Variants in SUPT5H observed in about 807,000 individuals in gnomAD.
SUPT5H encodes SPT5 homolog, DSIF elongation factor subunit.
Under a neutral mutation model 142.5 loss-of-function variants are expected in SUPT5H, and 24 were observed. That is an observed-to-expected ratio of 0.17 (90% CI 0.12 to 0.24). SUPT5H has a LOEUF of 0.24. Ranked by LOEUF, SUPT5H falls within the 10% of genes least tolerant of loss-of-function variation. The pLI is 1.00. For missense variants in SUPT5H, 893 were observed against 1,471.8 expected (o/e 0.61, Z 6.43); for synonymous variants, 546 against 553.0 (o/e 0.99, Z 0.18).
rs745483100 is a variant in SUPT5H, at chr19:39,474,269, C to A, written c.2687C>A (p.Pro896His). 1.2e-6 allele frequency: 2 copies of A among 1,613,960 alleles called. No homozygotes were observed. Among genetic ancestry groups the A allele is most frequent in the South Asian group, 1.1e-5 (1 of 91,082 alleles). The change falls in exon 27 of 30, where the codon CCC (proline) becomes CAC (histidine). Residue 896 changes from proline to histidine, a missense_variant. Around this residue, in one of 6 missense-constraint regions of SUPT5H, gnomAD observed 336 missense variants for 546.5 expected, o/e 0.61. Transcript: ENST00000432763. This position sits in a 1 kb window ranked among gnomAD's most constrained non-coding sequence, Gnocchi z 6.5. ...NTDQFSPYAA[P>H]SPQGSYQPSP... is the part of the protein sequence containing the mutation. ...GACCAGTTCTCTCCCTATGCTGCCCCCTCCCCACAAGGTTCCTACCAGCCC... is the reference window on the plus strand; with the variant it reads ...GACCAGTTCTCTCCCTATGCTGCCCACTCCCCACAAGGTTCCTACCAGCCC...
chr19:39,472,711 C>T lies in SUPT5H; in HGVS notation c.2036-99C>T. 6.7e-7 allele frequency: 1 copy of T among 1,499,708 alleles called. No individual in the cohort carries two copies. Among genetic ancestry groups the T allele is most frequent in the Non-Finnish European group, 8.9e-7 (1 of 1,120,298 alleles). 92.9% of individuals were successfully genotyped at this position (1,499,708 alleles called of 1,614,324 possible). On this transcript the variant is annotated intron_variant, in intron 21 of 29. Coordinates refer to ENST00000432763, the MANE Select transcript of SUPT5H (RefSeq NM_001111020.3). The surrounding 1 kb of genome is among the most constrained non-coding windows in gnomAD (Gnocchi z 4.2). ...GGGTGGGCAGAGGAGGCTCTTAACCCAAGTAGGGAGGAGTCAAGCAAGTGA... is the reference window on the plus strand; with the variant it reads ...GGGTGGGCAGAGGAGGCTCTTAACCTAAGTAGGGAGGAGTCAAGCAAGTGA...
At chr19:39,459,382 G>A (rs1023187579) in intron 8 of SUPT5H, 133 bp downstream of exon 8, 4 of 1,348,118 alleles carry the variant, frequency 3.0e-6, no homozygotes, top group Middle Eastern at 2.1e-4. Flanking sequence ...GCAGGGGTAG[G>A]GAGGGCAAGG....
At chr19:39,476,003 G>A in intron 28 of SUPT5H, 78 bp from the exon 29 acceptor site, 1 of 1,355,344 alleles carries the variant, frequency 7.4e-7, no homozygotes, top group Non-Finnish European at 1.0e-6. Context: ...TGAGCCCTGA[G>A]CCTGTGTCCC....
intron 2 of SUPT5H, among the ~76,000 whole-genome samples, chr19:39,448,834 G>A (rs1286872733): frequency 2.6e-5 from 4 of 151,968 alleles, no homozygotes; most frequent in East Asian, 3.9e-4. Flanking sequence ...GGTGGCTCAC[G>A]CCTGTGATCC....
chr19:39,467,164 C>T (rs1046594113), intron 13 of SUPT5H: 4 of 154,736 alleles, frequency 2.6e-5, no homozygotes, highest in African/African-American at 7.2e-5. Context: ...GGGCGGATCA[C>T]TTGAGGTCAG....
At chr19:39,459,832 CTT>C (rs1233996111) in intron 9 of SUPT5H, 58 bp from the exon 10 acceptor site, 3 of 1,578,084 alleles carry the variant, frequency 1.9e-6, no homozygotes, top group Non-Finnish European at 2.6e-6. Flanking sequence ...CTCCTTCCCC[CTT>C]TCCTGTGTCC....
chr19:39,449,528 C>T (rs1054040496), intron 2 of SUPT5H, among the ~76,000 whole-genome samples: 14 of 152,088 alleles, frequency 9.2e-5, no homozygotes, highest in Non-Finnish European at 1.9e-4. Context: ...TTGGGAGGCT[C>T]ACAGTGGTCA....
intron 3 of SUPT5H, among the ~76,000 whole-genome samples, chr19:39,454,751 C>T (rs1224139609): frequency 6.6e-6 from 1 of 152,140 alleles, no homozygotes; most frequent in Non-Finnish European, 1.5e-5. Context: ...TTTTCCCTTA[C>T]CTATGGGAAG....
rs373614580 is a variant in SUPT5H at position 39,470,308 on chromosome 19, G to A, written c.1530+34G>A. 6 of 1,545,434 alleles carry A rather than the reference G, an allele frequency of 3.9e-6. No homozygotes were observed. Among genetic ancestry groups the A allele is most frequent in the Admixed American group, 1.8e-5 (1 of 54,420 alleles). ...ATAGAAGGGTCGGGGAAGGGTGCAC[G>A]TGCCAAGAGGAGACCCAGGTAGGCG... is the stretch of plus-strand genomic sequence containing the variant. On this transcript the variant is annotated intron_variant, in intron 17 of 29. Transcript: ENST00000432763. This position sits in a 1 kb window ranked among gnomAD's most constrained non-coding sequence, Gnocchi z 5.8.
chr19:39,469,715 T>G lies in SUPT5H; in HGVS notation c.1374+317T>G. The G allele has an allele frequency of 3.9e-6, 2 of 507,882 alleles. No homozygotes were observed. Among genetic ancestry groups the G allele is most frequent in the Non-Finnish European group, 7.2e-6 (2 of 278,184 alleles). 31.5% of individuals were successfully genotyped at this position (507,882 alleles called of 1,614,324 possible). A position where few individuals can be genotyped will look rare whatever the true frequency, so the allele number is the denominator to read the frequency against. On this transcript the variant is annotated intron_variant, in intron 16 of 29. Transcript: ENST00000432763. This position sits in a 1 kb window ranked among gnomAD's most constrained non-coding sequence, Gnocchi z 5.1. ...TAATCTGAGGCTTGACTTTGTTTGC[T>G]TAGAGCGGGGTGTGTGTTTGTCTGT...
In SUPT5H at chr19:39,469,114, G is replaced by A; in HGVS notation, c.1179G>A (p.Leu393=). Reference sequence around the variant, plus strand: ...GTGTGAAGCCAACACTCTCTGAGCTGGAAAAGTTTGAGGACCAGCCAGAGG... The same window carrying A: ...GTGTGAAGCCAACACTCTCTGAGCTAGAAAAGTTTGAGGACCAGCCAGAGG... The part of the protein sequence containing the change: ...TEGVKPTLSE[L]EKFEDQPEGI... Residue 393 remains leucine (L), a synonymous_variant, in exon 15 of 30, where the codon CTG becomes CTA. Coordinates refer to ENST00000432763, the MANE Select transcript of SUPT5H (RefSeq NM_001111020.3). This position sits in a 1 kb window ranked among gnomAD's most constrained non-coding sequence, Gnocchi z 5.1. The A allele has an allele frequency of 6.2e-7, 1 of 1,614,216 alleles. No homozygotes were observed. Among genetic ancestry groups the A allele is most frequent in the Non-Finnish European group, 8.5e-7 (1 of 1,180,038 alleles).
Position 39,458,372 on chromosome 19 carries a change from G to A in SUPT5H, c.319+67G>A. On this transcript the variant is annotated intron_variant, in intron 5 of 29. Transcript: ENST00000432763. The surrounding 1 kb of genome is among the most constrained non-coding windows in gnomAD (Gnocchi z 4.2). ...ATCCTGACATTTCCTCCTTCCTGAG[G>A]CACCTGCCCTCACCGGTAGCCTCCC... 1 of 1,604,200 alleles carries A rather than the reference G, an allele frequency of 6.2e-7. No homozygotes were observed. The highest frequency in any genetic ancestry group is 8.5e-7 in the Non-Finnish European group (1 of 1,174,876).
At chr19:39,445,697 G>C in intron 1 of SUPT5H, 60 bp downstream of exon 1, 1 of 645,108 alleles carries the variant, frequency 1.6e-6, no homozygotes, top group Non-Finnish European at 2.7e-6. Flanking sequence ...GAACAGATTC[G>C]GAAACTGGGG....
chr19:39,473,001 T>C lies in SUPT5H; in HGVS notation c.2156-11T>C, dbSNP rs2079344728. On this transcript the variant is annotated splice_polypyrimidine_tract_variant and intron_variant, in intron 22 of 29. Coordinates refer to ENST00000432763, the MANE Select transcript of SUPT5H (RefSeq NM_001111020.3). This position sits in a 1 kb window ranked among gnomAD's most constrained non-coding sequence, Gnocchi z 5.8. ...AGAGCCTGCCCAGCCTGACCTCCTG[T>C]CCCCCTGCAGGCTACATCGGTGTGG... is the stretch of plus-strand genomic sequence containing the variant. The C allele has an allele frequency of 1.2e-6, 2 of 1,612,800 alleles. No homozygotes were observed. Among genetic ancestry groups the C allele is most frequent in the Non-Finnish European group, 8.5e-7 (1 of 1,179,236 alleles).
intron 3 of SUPT5H, among the ~76,000 whole-genome samples, chr19:39,456,900 GA>G (rs2079098156): frequency 6.6e-6 from 1 of 152,210 alleles, no homozygotes; most frequent in Non-Finnish European, 1.5e-5. Context: ...CTCTAGGCAA[GA>G]AACTAGTCAC....
At position 39,476,427 on chromosome 19, in the gene SUPT5H, G is replaced by A; in HGVS notation, c.*28G>A. 1 of 1,612,646 alleles carries A rather than the reference G, an allele frequency of 6.2e-7. No individual in the cohort carries two copies. Among genetic ancestry groups the A allele is most frequent in the Non-Finnish European group, 8.5e-7 (1 of 1,179,772 alleles). On this transcript the variant is annotated 3_prime_UTR_variant, in exon 30 of 30. Coordinates refer to ENST00000432763, the MANE Select transcript of SUPT5H (RefSeq NM_001111020.3). Reference sequence around the variant, plus strand: ...CAGGCAGGGCCGGTGGACTTCGTCGGATGAAGAGTGATCCTCCTTCCTTCC... The same window carrying A: ...CAGGCAGGGCCGGTGGACTTCGTCGAATGAAGAGTGATCCTCCTTCCTTCC...
Position 39,476,500 on chromosome 19 carries a change from T to G in SUPT5H, c.*101T>G. The stretch of plus-strand genomic sequence containing the variant: ...GATCCTCCTGCAGGGCTAGGCGGAT[T>G]GTTCTGGATTTCCTTTTGTTTTTCC... On this transcript the variant is annotated 3_prime_UTR_variant, in exon 30 of 30. Transcript: ENST00000432763. The G allele has an allele frequency of 7.0e-7, 1 of 1,429,002 alleles. No homozygotes were observed. 88.5% of individuals were successfully genotyped at this position (1,429,002 alleles called of 1,614,324 possible).
chr19:39,463,384 T>C (rs2079191838), intron 10 of SUPT5H, among the ~76,000 whole-genome samples: 1 of 152,228 alleles, frequency 6.6e-6, no homozygotes, highest in South Asian at 2.1e-4. Context: ...TTTTGGTATC[T>C]AGGAGTGTGT....
chr19:39,465,200 A>G, intron 11 of SUPT5H, 151 bp downstream of exon 11: 1 of 1,220,506 alleles, frequency 8.2e-7, no homozygotes, highest in Non-Finnish European at 1.1e-6. Flanking sequence ...AGCACACAGG[A>G]AACGGTTGGC....
Sources: allele counts gnomAD v4.1 joint callset (sites outside exome capture counted in the v4.1 genomes callset), GRCh38; gene constraint gnomAD v4.1.1; regional missense constraint gnomAD v4.1.1; non-coding constraint Gnocchi (gnomAD v3.1); transcripts MANE v1.5; gene names NCBI Gene and HGNC (gene_info 2026-07-23, HGNC 2026-07-21).